Variants in AP2A1 observed in about 807,000 individuals in gnomAD.
The protein encoded by AP2A1 is AP-2 complex subunit alpha-1.
A neutral mutation model predicts 107.3 loss-of-function variants in AP2A1; 21 were observed. The observed-to-expected ratio is 0.20, with a 90% CI of 0.14 to 0.28. The LOEUF is 0.28. Ranked by LOEUF, AP2A1 falls within the 10% of genes least tolerant of loss-of-function variation. The pLI, the probability that AP2A1 is intolerant of heterozygous loss-of-function variation, is 1.00. For synonymous variants in AP2A1, 602 were observed against 564.8 expected (o/e 1.07, Z -0.93); for missense variants, 873 against 1,307.7 (o/e 0.67, Z 5.13).
chr19:49,800,945 T>A lies in AP2A1; in HGVS notation c.1456-16T>A. 6.3e-7 allele frequency: 1 copy of A among 1,581,584 alleles called. No individual in the cohort carries two copies. The highest frequency in any genetic ancestry group is 8.6e-7 in the Non-Finnish European group (1 of 1,163,286). ...CTCATTGTTGTCCTCTCCACGCCCTTCCCCACCCCACTCAGGCGCTCCAGG... is the reference window on the plus strand; with the variant it reads ...CTCATTGTTGTCCTCTCCACGCCCTACCCCACCCCACTCAGGCGCTCCAGG... On this transcript the variant is annotated splice_polypyrimidine_tract_variant and intron_variant, in intron 11 of 22. Coordinates refer to ENST00000354293, the MANE Select transcript of AP2A1 (RefSeq NM_130787.3).
At chr19:49,800,723 G>A (rs933114140) in intron 11 of AP2A1, 11 of 425,184 alleles carry the variant, frequency 2.6e-5, no homozygotes, top group East Asian at 1.4e-4. Context: ...TGCCCGCCTC[G>A]GCCTCCCAAA....
intron 1 of AP2A1, among the ~76,000 whole-genome samples, chr19:49,778,201 C>G (rs774511207): frequency 6.6e-6 from 1 of 152,090 alleles, no homozygotes; most frequent in Non-Finnish European, 1.5e-5. Flanking sequence ...GTGGTGTGAA[C>G]ATCCTGGAGT....
chr19:49,784,544 T>C (rs17310914), intron 4 of AP2A1, among the ~76,000 whole-genome samples: 29,262 of 152,130 alleles, frequency 0.19, 3,065 homozygotes, highest in South Asian at 0.38. Context: ...TTTTAAAATA[T>C]GAGTAAAGTT....
chr19:49,790,570 C>G (rs2073129603), intron 4 of AP2A1, among the ~76,000 whole-genome samples: 1 of 152,090 alleles, frequency 6.6e-6, no homozygotes, highest in Non-Finnish European at 1.5e-5. Flanking sequence ...GGCTAATTCT[C>G]ATATTTCTAG....
intron 1 of AP2A1, among the ~76,000 whole-genome samples, chr19:49,767,656 A>T (rs2084517222): frequency 6.6e-6 from 1 of 152,092 alleles, no homozygotes; most frequent in African/African-American, 2.4e-5. Flanking sequence ...CTAATGAAGC[A>T]GGGCTTGAGG....
At position 49,767,104 on chromosome 19, in the gene AP2A1, G is replaced by T. The variant is rs1376565830; in HGVS notation, c.-30G>T. 6.2e-7 allele frequency: 1 copy of T among 1,608,466 alleles called. No homozygotes were observed. Among genetic ancestry groups the T allele is most frequent in the Non-Finnish European group, 8.5e-7 (1 of 1,179,052 alleles). On this transcript the variant is annotated 5_prime_UTR_variant, in exon 1 of 23. Transcript: ENST00000354293. The stretch of plus-strand genomic sequence containing the variant: ...CCCCCGCTGCTCTGTGCCCTGTCCG[G>T]CCAGGCCTGGAGCCGACACCACCGC...
rs28736735 is a variant in AP2A1, at chr19:49,802,941, G to T, written c.2115-8G>T. On this transcript the variant is annotated splice_region_variant and splice_polypyrimidine_tract_variant and intron_variant, in intron 15 of 22. Transcript: ENST00000354293. ...TCCTTCCCATCTCACTCTGCTCCAT[G>T]CCTCCAGCCCAGGTCCTGAGGACAT... The T allele has an allele frequency of 0.13, 207,705 of 1,611,162 alleles. 13,907 individuals carry two copies. The highest frequency in any genetic ancestry group is 0.17 in the African/African-American group (12,393 of 74,926).
intron 1 of AP2A1, among the ~76,000 whole-genome samples, chr19:49,771,642 C>T (rs1293044361): frequency 1.3e-5 from 2 of 151,990 alleles, no homozygotes; most frequent in Admixed American, 6.6e-5. Context: ...CTCCTGATCT[C>T]GAGTGATCTG....
intron 1 of AP2A1, among the ~76,000 whole-genome samples, chr19:49,776,244 G>A (rs1440688429): frequency 1.3e-5 from 2 of 151,126 alleles, no homozygotes; most frequent in Non-Finnish European, 2.9e-5. Context: ...TTTCATCACC[G>A]TCCGCCTGCC....
chr19:49,774,004 C>T (rs183914454), intron 1 of AP2A1, among the ~76,000 whole-genome samples: 77 of 107,648 alleles, frequency 7.2e-4, no homozygotes, highest in Non-Finnish European at 1.2e-3. Flanking sequence ...ACTTTTACTT[C>T]GAACTTGCTG....
intron 4 of AP2A1, among the ~76,000 whole-genome samples, chr19:49,786,210 G>A (rs2084734866): frequency 7.0e-6 from 1 of 142,834 alleles, no homozygotes; most frequent in Non-Finnish European, 1.5e-5. Flanking sequence ...TCATGCCTAG[G>A]TGACAGTGAC....
At chr19:49,806,482 T>C (rs2073388523) in intron 22 of AP2A1, 199 bp from the exon 23 acceptor site, 1 of 1,443,876 alleles carries the variant, frequency 6.9e-7, no homozygotes, top group African/African-American at 1.4e-5. Context: ...CCTTTCCATA[T>C]CCTTTCCACC....
In AP2A1 at chr19:49,806,239, A is replaced by C; in HGVS notation, c.2776A>C (p.Asn926His). The change falls in exon 22 of 23, where the codon AAT becomes CAT. Residue 926 changes from asparagine (N) to histidine (H), a missense_variant. Around this residue, in one of 4 missense-constraint regions of AP2A1, gnomAD observed 416 missense variants for 473.4 expected, o/e 0.88. Transcript: ENST00000354293. ...GGGCTGTCTGCTTCGGCTGGAGCCC[A>C]ATGCCCAGGCCCAGGTGAGTGCTGC... ...QVGCLLRLEP[N>H]AQAQMYRLTL... The C allele has an allele frequency of 6.2e-7, 1 of 1,607,566 alleles. No homozygotes were observed. The highest frequency in any genetic ancestry group is 8.5e-7 in the Non-Finnish European group (1 of 1,177,468).
intron 1 of AP2A1, among the ~76,000 whole-genome samples, chr19:49,778,216 T>C (rs571584947): frequency 6.6e-6 from 1 of 152,300 alleles, no homozygotes; most frequent in African/African-American, 2.4e-5. Flanking sequence ...TGGAGTGTGC[T>C]TACACAAATT....
chr19:49,799,030 A>G lies in AP2A1; in HGVS notation c.965+78A>G, dbSNP rs2073244740. 5 of 1,513,430 alleles carry G rather than the reference A, an allele frequency of 3.3e-6. No homozygotes were observed. In the East Asian group the frequency reaches 1.2e-4, roughly 37 times the overall value. 93.8% of individuals were successfully genotyped at this position (1,513,430 alleles called of 1,614,324 possible). ...ATGGAGGCCCGGACTCCTGAGTCCT[A>G]GGCAGAGGGCAGGGAATCTTGACTT... On this transcript the variant is annotated intron_variant, in intron 8 of 22. Transcript: ENST00000354293.
At chr19:49,803,806 C>T (rs78764078) in intron 18 of AP2A1, 3,061 of 224,250 alleles carry the variant, frequency 0.014, 129 homozygotes, top group East Asian at 0.12. Flanking sequence ...TATGTAGACC[C>T]TCCTCTTCCT....
At chr19:49,803,037 G>A in intron 16 of AP2A1, 32 bp downstream of exon 16, 2 of 1,613,722 alleles carry the variant, frequency 1.2e-6, no homozygotes, top group East Asian at 2.2e-5. Context: ...GGAGGGGAAC[G>A]GGACAGGTGC....
chr19:49,770,930 C>T (rs1387135609), intron 1 of AP2A1, among the ~76,000 whole-genome samples: 1 of 152,172 alleles, frequency 6.6e-6, no homozygotes, highest in East Asian at 1.9e-4. Context: ...CGGCTTACTG[C>T]AACCTCTGCC....
At chr19:49,781,590 CTT>C (rs2084676230) in intron 1 of AP2A1, among the ~76,000 whole-genome samples, 165 bp from the exon 2 acceptor site, 1 of 152,058 alleles carries the variant, frequency 6.6e-6, no homozygotes, top group Admixed American at 6.5e-5. Context: ...GTTCTTCCCT[CTT>C]TGAAACTCCC....
Sources: allele counts gnomAD v4.1 joint callset (sites outside exome capture counted in the v4.1 genomes callset), GRCh38; gene constraint gnomAD v4.1.1; regional missense constraint gnomAD v4.1.1; transcripts MANE v1.5; gene names NCBI Gene and HGNC (gene_info 2026-07-23, HGNC 2026-07-21).